ARHGAP29: variants seen among roughly 807,000 people sequenced by gnomAD.
ARHGAP29 encodes rho GTPase-activating protein 29.
A neutral mutation model predicts 122.6 loss-of-function variants in ARHGAP29; 43 were observed. That is an observed-to-expected ratio of 0.35 (90% confidence interval 0.27 to 0.45). ARHGAP29 has a LOEUF of 0.45. ARHGAP29 is among the 20% of genes least tolerant of loss of function. The pLI, the probability that ARHGAP29 is intolerant of heterozygous loss-of-function variation, is 1.00. For missense variants in ARHGAP29, 1,303 were observed against 1,477.2 expected, an observed-to-expected ratio of 0.88 and a Z score of 1.93; for synonymous variants, 506 against 497.1, an observed-to-expected ratio of 1.02 and a Z score of -0.24.
At chr1:94,196,350 C>T (rs1358475283) in intron 12 of ARHGAP29, among the ~76,000 whole-genome samples, 2 of 149,036 alleles carry the variant, frequency 1.3e-5, no homozygotes, top group Non-Finnish European at 3.0e-5. Context: ...CAAGCTCCAC[C>T]TCCCGGGTTC....
intron 19 of ARHGAP29, among the ~76,000 whole-genome samples, chr1:94,181,451 C>T (rs1327185697): frequency 6.6e-6 from 1 of 152,104 alleles, no homozygotes; most frequent in African/African-American, 2.4e-5. Context: ...ACTACACATG[C>T]CATTCTAAAT....
Position 94,203,265 on chromosome 1 carries a change from A to C in ARHGAP29, c.763-55T>G, listed in dbSNP as rs937304002. On this transcript the variant is annotated intron_variant, in intron 8 of 22. Coordinates refer to ENST00000260526, the MANE Select transcript of ARHGAP29 (RefSeq NM_004815.4). Reference sequence around the variant, plus strand: ...ACAATAGAAATGGCACTAGAATTCCAAACACATCACTACCCTTCTTCAAAA... The same window carrying C: ...ACAATAGAAATGGCACTAGAATTCCCAACACATCACTACCCTTCTTCAAAA... 2.3e-6 allele frequency: 3 copies of C among 1,290,638 alleles called. 1 individual carries two copies. In the Admixed American group the frequency reaches 6.2e-5, roughly 27 times the overall value. The allele number at this position is 1,290,638 out of a possible 1,614,324, so 79.9% of individuals were successfully genotyped here.
At position 94,208,814 on chromosome 1, in the gene ARHGAP29, C is replaced by T; in HGVS notation, c.510+18G>A. The stretch of plus-strand genomic sequence containing the variant: ...TTAAAAACATTAAAGACTTTGCTTT[C>T]ACACAAACTTAGCTTACCTTAGTTT... On this transcript the variant is annotated intron_variant, in intron 5 of 22. Coordinates refer to ENST00000260526, the MANE Select transcript of ARHGAP29 (RefSeq NM_004815.4). 1.2e-6 allele frequency: 2 copies of T among 1,610,848 alleles called. No homozygotes were observed. The highest frequency in any genetic ancestry group is 1.7e-6 in the Non-Finnish European group (2 of 1,177,308).
the ARHGAP29 span, among the ~76,000 whole-genome samples, chr1:94,288,202 G>T: frequency 2.0e-5 from 3 of 152,220 alleles, no homozygotes; most frequent in Non-Finnish European, 4.4e-5. Context: ...ACTGGTGTGA[G>T]ATAGTATCTC....
At chr1:94,238,053 ATTTTTTTTTTTTTTTTT>A (rs71717670), upstream of ARHGAP29, among the ~76,000 whole-genome samples, 1 of 61,008 alleles carries the variant, frequency 1.6e-5, no homozygotes, top group Admixed American at 2.1e-4. Flanking sequence ...GCCTATCTGT[ATTTTTTTTTTTTTTTTT>A]TTTTTTTTTG....
intron 1 of ARHGAP29, chr1:94,274,929 G>C (rs1006636374): frequency 6.6e-6 from 1 of 152,156 alleles, no homozygotes; most frequent in African/African-American, 2.4e-5. Flanking sequence ...CGTTTTTAAG[G>C]GTCTTGTTTT....
intron 3 of ARHGAP29, 146 bp from the exon 4 acceptor site, chr1:94,209,496 T>C (rs901645640): frequency 9.6e-6 from 5 of 518,212 alleles, no homozygotes; most frequent in South Asian, 3.0e-5. Context: ...AAAATTGACA[T>C]GATGTTCAAA....
chr1:94,290,856 T>C, the ARHGAP29 span, among the ~76,000 whole-genome samples: 3 of 152,234 alleles, frequency 2.0e-5, no homozygotes, highest in Non-Finnish European at 4.4e-5. Flanking sequence ...TGTGGTCAAT[T>C]TTAGAATAAG....
At chr1:94,262,046 A>G (rs779315868) in intron 1 of ARHGAP29, among the ~76,000 whole-genome samples, 4 of 152,220 alleles carry the variant, frequency 2.6e-5, no homozygotes, top group Non-Finnish European at 5.9e-5. Flanking sequence ...GAACTGTTAC[A>G]AAAACAGACA....
At chr1:94,206,179 G>A (rs1413382179) in intron 5 of ARHGAP29, among the ~76,000 whole-genome samples, 2 of 152,112 alleles carry the variant, frequency 1.3e-5, no homozygotes, top group African/African-American at 4.8e-5. Flanking sequence ...GTAGCTAATA[G>A]CTCCATGTAG....
Position 94,177,597 on chromosome 1 carries a change from T to A in ARHGAP29, c.2905+15A>T, listed in dbSNP as rs751840240. ...TAAGCCAGCAAACATATTTTTTTTTTACATGGCTACTCACCACTGAGACAT... is the reference window on the plus strand; with the variant it reads ...TAAGCCAGCAAACATATTTTTTTTTAACATGGCTACTCACCACTGAGACAT... On this transcript the variant is annotated intron_variant, in intron 22 of 22. Transcript: ENST00000260526. 12 of 1,567,712 alleles carry A rather than the reference T, an allele frequency of 7.7e-6. No individual in the cohort carries two copies. In the Admixed American group the frequency reaches 9.5e-5, roughly 12 times the overall value.
At chr1:94,233,139 G>C (rs1653027937) in intron 1 of ARHGAP29, among the ~76,000 whole-genome samples, 1 of 151,686 alleles carries the variant, frequency 6.6e-6, no homozygotes, top group South Asian at 2.1e-4. Flanking sequence ...TTTTTGTAGA[G>C]ATACAGTTTC....
At chr1:94,311,481 G>A in the ARHGAP29 span, among the ~76,000 whole-genome samples, 2 of 152,104 alleles carry the variant, frequency 1.3e-5, no homozygotes, top group Non-Finnish European at 2.9e-5. Flanking sequence ...ACAAATGCTT[G>A]TCAGATCAAA....
rs779773628 is a variant in ARHGAP29, at chr1:94,205,660, T to G, written c.534A>C (p.Glu178Asp). Reference protein sequence around the residue: ...ETKSFENVSVESVDSSSEKGN... With the variant: ...ETKSFENVSVDSVDSSSEKGN... ...CTTTTTCACTGGATGAGTCCACTGA[T>G]TCCACAGAAACATTTTCAAACGACT... is the stretch of plus-strand genomic sequence containing the variant. The change falls in exon 6 of 23, where the codon GAA becomes GAC. Residue 178 changes from glutamate to aspartate, a missense_variant. Physicochemically the swap from Glu to Asp is conservative, Grantham distance 45. This residue lies in a region of ARHGAP29 where 592 missense variants were observed against 648.2 expected (regional missense o/e 0.91). Coordinates refer to ENST00000260526, the MANE Select transcript of ARHGAP29 (RefSeq NM_004815.4). 105 of 1,612,608 alleles carry G rather than the reference T, an allele frequency of 6.5e-5. 1 individual carries two copies. The highest frequency in any genetic ancestry group is 8.1e-5 in the Non-Finnish European group (96 of 1,179,370).
Position 94,173,991 on chromosome 1 carries a change from G to A in ARHGAP29, c.3664C>T (p.Gln1222Ter). The change falls in exon 23 of 23, where the codon CAA (glutamine) becomes TAA (stop). Residue 1222 changes from glutamine (Q) to a stop codon, truncating the protein, a stop_gained. Coordinates refer to ENST00000260526, the MANE Select transcript of ARHGAP29 (RefSeq NM_004815.4). LOFTEE classifies it high-confidence loss of function. ...ASACPGQATG[Q>*]PKEDSEELGL... is the part of the protein sequence containing the mutation. ...AGCTCCTCAGAGTCTTCTTTAGGTTGACCAGTTGCTTGCCCAGGACAAGCT... is the reference window on the plus strand; with the variant it reads ...AGCTCCTCAGAGTCTTCTTTAGGTTAACCAGTTGCTTGCCCAGGACAAGCT... 6.2e-7 allele frequency: 1 copy of A among 1,614,194 alleles called. No homozygotes were observed. The highest frequency in any genetic ancestry group is 8.5e-7 in the Non-Finnish European group (1 of 1,180,034).
At chr1:94,302,584 C>A in the ARHGAP29 span, 1 of 369,632 alleles carries the variant, frequency 2.7e-6, no homozygotes. Context: ...ACTCTCATGG[C>A]CCCTCTGGGA....
the ARHGAP29 span, chr1:94,302,412 C>T: frequency 1.9e-3 from 673 of 359,216 alleles, 3 homozygotes; most frequent in Non-Finnish European, 2.1e-3. Flanking sequence ...CCCCCACGTT[C>T]GTGATGGGCA....
chr1:94,274,422 A>G (rs1655109411), intron 1 of ARHGAP29, among the ~76,000 whole-genome samples: 1 of 152,200 alleles, frequency 6.6e-6, no homozygotes, highest in Non-Finnish European at 1.5e-5. Flanking sequence ...GTTACTTTCA[A>G]AGTAAGTGTA....
chr1:94,257,029 T>A (rs1157887165), intron 1 of ARHGAP29, among the ~76,000 whole-genome samples: 1 of 152,200 alleles, frequency 6.6e-6, no homozygotes, highest in East Asian at 1.9e-4. Context: ...GGATGGAGGC[T>A]GTTTGAAAAT....
Sources: gnomAD v4.1 joint callset for allele counts (sites outside exome capture counted in the v4.1 genomes callset) on GRCh38, gnomAD v4.1.1 for gene constraint, gnomAD v4.1.1 regional missense constraint, MANE v1.5 for transcripts, NCBI Gene and HGNC (gene_info 2026-07-23, HGNC 2026-07-21) for gene names.